The following HFM1 variants were observed in gnomAD, a reference collection of about 807,000 sequenced individuals.
HFM1 encodes probable ATP-dependent DNA helicase HFM1.
A neutral mutation model predicts 192.1 loss-of-function variants in HFM1; 169 were observed. The ratio of observed to expected loss-of-function variants is 0.88; its 90% CI spans 0.78 to 1.00. The LOEUF (loss-of-function observed/expected upper bound fraction) is 1.00, where lower values mean the gene tolerates loss of function less well. HFM1 is among the 50% of genes least tolerant of loss of function. HFM1 has a pLI of 0.00. For missense variants in HFM1, 1,661 were observed against 1,668.0 expected, an observed-to-expected ratio of 1.00 and a Z score of 0.07; for synonymous variants, 525 against 537.8, an observed-to-expected ratio of 0.98 and a Z score of 0.33.
chr1:91,318,939 GA>G (rs1316512911), intron 25 of HFM1, 138 bp downstream of exon 25: 2 of 711,572 alleles, frequency 2.8e-6, no homozygotes, highest in Non-Finnish European at 4.3e-6. Context: ...TCAGATTTTC[GA>G]AAGTACAGCA....
chr1:91,352,778 AG>A lies in HFM1; in HGVS notation c.1832-128del, dbSNP rs1329489362. The A allele has an allele frequency of 6.9e-6, 5 of 722,164 alleles. No homozygotes were observed. The Middle Eastern group carries it at 1.2e-3, about 176-fold the overall frequency. The allele number at this position is 722,164 out of a possible 1,614,324, so 44.7% of individuals were successfully genotyped here. ...ACATAAGAAATTTAGAAAAGAAAAA[AG>A]AGCATTACAATCTAAAATAGTAACA... On this transcript the variant is annotated intron_variant, in intron 15 of 38. Coordinates refer to ENST00000370425, the MANE Select transcript of HFM1 (RefSeq NM_001017975.6).
At chr1:91,328,835 T>C in intron 20 of HFM1, 1 of 1,611,104 alleles carries the variant, frequency 6.2e-7, no homozygotes, top group East Asian at 2.2e-5. Flanking sequence ...GGGCATCCCT[T>C]ACCTTGATGC....
At chr1:91,293,608 A>G (rs960649565) in intron 30 of HFM1, among the ~76,000 whole-genome samples, 18 of 150,784 alleles carry the variant, frequency 1.2e-4, no homozygotes, top group African/African-American at 4.4e-4. Flanking sequence ...GTGGGACTGT[A>G]AACTAGTTCA....
chr1:91,354,134 G>T (rs1249389417), intron 13 of HFM1, among the ~76,000 whole-genome samples: 2 of 151,634 alleles, frequency 1.3e-5, no homozygotes, highest in African/African-American at 4.8e-5. Context: ...ATCTGCACAA[G>T]AAAGTTATTC....
intron 30 of HFM1, among the ~76,000 whole-genome samples, chr1:91,311,141 G>A (rs1433604799): frequency 2.0e-5 from 3 of 152,168 alleles, no homozygotes; most frequent in African/African-American, 4.8e-5. Context: ...ATGAAGATGA[G>A]GAACTTGTTG....
upstream of HFM1, among the ~76,000 whole-genome samples, chr1:91,407,399 C>A (rs1411438977): frequency 6.6e-6 from 1 of 152,062 alleles, no homozygotes; most frequent in Non-Finnish European, 1.5e-5. Context: ...GGAACTCCTT[C>A]TTTTCCCCTT....
At chr1:91,263,199 G>A (rs932818543) in intron 36 of HFM1, among the ~76,000 whole-genome samples, 2 of 151,984 alleles carry the variant, frequency 1.3e-5, no homozygotes, top group Non-Finnish European at 2.9e-5. Context: ...AATGAACTGG[G>A]TAATAGCATA....
chr1:91,285,048 GGT>G (rs1491221867), intron 30 of HFM1, among the ~76,000 whole-genome samples: 2 of 152,018 alleles, frequency 1.3e-5, no homozygotes, highest in African/African-American at 4.8e-5. Flanking sequence ...TTTTATAAGG[GGT>G]CTCTCCTTTC....
At chr1:91,343,377 A>G (rs966568507) in intron 20 of HFM1, 53 bp downstream of exon 20, 3 of 861,662 alleles carry the variant, frequency 3.5e-6, no homozygotes, top group Non-Finnish European at 5.4e-6. Flanking sequence ...CAAAATTTTA[A>G]TTTAGTCTTA....
In HFM1 at chr1:91,320,236, T is replaced by G. The variant is rs920641318; in HGVS notation, c.2583-846A>C. Among the ~76,000 whole-genome samples, 36 of 152,202 alleles carry G rather than the reference T, an allele frequency of 2.4e-4. 1 individual carries two copies. The highest frequency in any genetic ancestry group is 8.7e-4 in the African/African-American group (36 of 41,446). On this transcript the variant is annotated intron_variant, in intron 23 of 38. Coordinates refer to ENST00000370425, the MANE Select transcript of HFM1 (RefSeq NM_001017975.6). ...AGCTATACAAAGAAAAACGGCAGAA[T>G]AGTTATATTTCATGATTTCGTTTAG... is the stretch of plus-strand genomic sequence containing the variant.
chr1:91,393,319 A>G (rs375295045), intron 4 of HFM1, among the ~76,000 whole-genome samples: 3 of 152,124 alleles, frequency 2.0e-5, no homozygotes, highest in East Asian at 3.9e-4. Flanking sequence ...TATGTCACAG[A>G]AAACAAAAAC....
chr1:91,392,189 C>T (rs1215443612), intron 4 of HFM1, among the ~76,000 whole-genome samples: 1 of 151,844 alleles, frequency 6.6e-6, no homozygotes, highest in Non-Finnish European at 1.5e-5. Context: ...GACAATATGG[C>T]AATTCCTCAA....
chr1:91,266,092 A>C lies in HFM1; in HGVS notation c.3899T>G (p.Leu1300Trp). The change falls in exon 36 of 39, where the codon TTG (leucine) becomes TGG (tryptophan). Residue 1300 changes from leucine to tryptophan, a missense_variant. Physicochemically the swap from Leu to Trp is moderately conservative, Grantham distance 61. Coordinates refer to ENST00000370425, the MANE Select transcript of HFM1 (RefSeq NM_001017975.6). Reference sequence around the variant, plus strand: ...CTTACTTCCCCTGGTACTTGAACTCAAAGTGTTTCCAAATCCTATGTGAAG... The same window carrying C: ...CTTACTTCCCCTGGTACTTGAACTCCAAGTGTTTCCAAATCCTATGTGAAG... Reference protein sequence around the residue: ...KTKISGFGNTLSSSTRGSKLP... With the variant: ...KTKISGFGNTWSSSTRGSKLP... The C allele has an allele frequency of 6.3e-7, 1 of 1,590,146 alleles. No individual in the cohort carries two copies. Among genetic ancestry groups the C allele is most frequent in the African/African-American group, 1.4e-5 (1 of 72,962 alleles).
chr1:91,372,218 T>C (rs528786944), intron 13 of HFM1, among the ~76,000 whole-genome samples: 126 of 152,262 alleles, frequency 8.3e-4, no homozygotes, highest in African/African-American at 2.9e-3. Context: ...TACCATTTGA[T>C]CCAGCCATCC....
At chr1:91,272,978 T>C (rs1191186033) in intron 34 of HFM1, among the ~76,000 whole-genome samples, 1 of 152,044 alleles carries the variant, frequency 6.6e-6, no homozygotes, top group African/African-American at 2.4e-5. Flanking sequence ...CTTGAAGAAA[T>C]AACTCAATGG....
rs1279100723 is a variant in HFM1 at position 91,324,762 on chromosome 1, TG to T, written c.2339del (p.Ala780GlufsTer4). On this transcript the variant is annotated frameshift_variant, in exon 21 of 39. Transcript: ENST00000370425. LOFTEE classifies it high-confidence loss of function. ...TATAATACCAAGCCATCAATCTTCC[TG>T]CTTCTGTAAGAAAAGACAGAAAAAT... ...DEGVNFKPTE[A>X]GRLMAWYYIT... 5 of 1,544,698 alleles carry T rather than the reference TG, an allele frequency of 3.2e-6. No individual in the cohort carries two copies. The Admixed American group carries it at 8.4e-5, about 26-fold the overall frequency.
intron 30 of HFM1, among the ~76,000 whole-genome samples, chr1:91,291,524 G>T (rs975650322): frequency 3.3e-5 from 5 of 152,136 alleles, no homozygotes; most frequent in African/African-American, 1.2e-4. Flanking sequence ...TCTCTGAATA[G>T]ACCAATAACA....
At chr1:91,317,189 C>G (rs180775136) in intron 25 of HFM1, among the ~76,000 whole-genome samples, 1 of 151,926 alleles carries the variant, frequency 6.6e-6, no homozygotes, top group African/African-American at 2.4e-5. Flanking sequence ...CCAAGGCGGG[C>G]GGATCACCTG....
intron 30 of HFM1, among the ~76,000 whole-genome samples, chr1:91,302,898 C>A (rs536707077): frequency 3.9e-4 from 59 of 151,698 alleles, no homozygotes; most frequent in Non-Finnish European, 7.2e-4. Context: ...CAAACCCGCA[C>A]GTTGTGCACA....
Sources: allele counts gnomAD v4.1 joint callset (sites outside exome capture counted in the v4.1 genomes callset), GRCh38; gene constraint gnomAD v4.1.1; transcripts MANE v1.5; gene names NCBI Gene and HGNC (gene_info 2026-07-23, HGNC 2026-07-21).